The following ANKS1B variants were observed in gnomAD, a reference collection of about 807,000 sequenced individuals.
ANKS1B encodes ankyrin repeat and sterile alpha motif domain containing 1B, also known as ankyrin repeat and sterile alpha motif domain-containing protein 1B.
A neutral mutation model predicts 148.3 loss-of-function variants in ANKS1B; 36 were observed. The observed-to-expected ratio is 0.24, with a 90% CI of 0.19 to 0.32. ANKS1B has a LOEUF of 0.32. Among genes scored for constraint, ANKS1B ranks in the 10% least tolerant of loss-of-function variants. The pLI is 1.00. For synonymous variants in ANKS1B, 542 were observed against 560.8 expected (o/e 0.97, Z 0.47); for missense variants, 1,157 against 1,542.6 (o/e 0.75, Z 4.19).
chr12:99,747,962 T>C (rs1375835324), intron 8 of ANKS1B, among the ~76,000 whole-genome samples: 3 of 134,236 alleles, frequency 2.2e-5, no homozygotes, highest in Non-Finnish European at 4.8e-5. Context: ...GCAAATTTCT[T>C]TTTCCTTCTA....
intron 11 of ANKS1B, among the ~76,000 whole-genome samples, chr12:99,401,271 C>CTGAAA (rs1310149726): frequency 6.8e-6 from 1 of 146,122 alleles, no homozygotes; most frequent in Non-Finnish European, 1.5e-5. Flanking sequence ...CTCAATTTCA[C>CTGAAA]ATTCAATGTC....
chr12:98,858,777 T>C (rs890711130), intron 17 of ANKS1B, among the ~76,000 whole-genome samples: 2 of 152,208 alleles, frequency 1.3e-5, no homozygotes, highest in Non-Finnish European at 2.9e-5. Flanking sequence ...AGAACACTTC[T>C]CTGGCACTAC....
chr12:98,845,723 CTTT>C (rs79874270), intron 17 of ANKS1B, among the ~76,000 whole-genome samples: 1 of 142,158 alleles, frequency 7.0e-6, no homozygotes, highest in Non-Finnish European at 1.5e-5. Flanking sequence ...ATAATTAAAA[CTTT>C]TTTTTTTTTT....
chr12:99,014,323 T>C (rs115401923), intron 17 of ANKS1B, among the ~76,000 whole-genome samples: 4,926 of 152,200 alleles, frequency 0.032, 240 homozygotes, highest in African/African-American at 0.11. Context: ...TAGTCATATG[T>C]AGAATATTGA....
intron 17 of ANKS1B, among the ~76,000 whole-genome samples, chr12:98,835,097 A>AATTATT (rs72558205): frequency 0.24 from 35,439 of 148,510 alleles, 4,818 homozygotes; most frequent in South Asian, 0.45. Context: ...ACATTTGCTT[A>AATTATT]ATTATTATTA....
At chr12:98,776,122 C>T (rs2098671607) in intron 24 of ANKS1B, among the ~76,000 whole-genome samples, 1 of 152,198 alleles carries the variant, frequency 6.6e-6, no homozygotes, top group Non-Finnish European at 1.5e-5. Flanking sequence ...GCATTGTCTA[C>T]CTGTGCAGAA....
At chr12:98,781,771 A>T (rs2098739204) in intron 23 of ANKS1B, among the ~76,000 whole-genome samples, 1 of 152,244 alleles carries the variant, frequency 6.6e-6, no homozygotes, top group African/African-American at 2.4e-5. Context: ...TTTACAGCAG[A>T]ATCACTTGTG....
intron 17 of ANKS1B, among the ~76,000 whole-genome samples, chr12:98,848,760 A>C (rs1216982130): frequency 4.3e-4 from 1 of 2,324 alleles, no homozygotes; most frequent in Non-Finnish European, 7.0e-4. Flanking sequence ...TTTTTTTGAG[A>C]CGGAGTCTCG....
At chr12:99,917,664 T>G (rs894793690) in intron 1 of ANKS1B, among the ~76,000 whole-genome samples, 5 of 152,220 alleles carry the variant, frequency 3.3e-5, no homozygotes, top group Non-Finnish European at 5.9e-5. Context: ...CAGGTCATAT[T>G]TACTAGCATA....
chr12:98,812,623 G>A (rs1216253115), intron 19 of ANKS1B, among the ~76,000 whole-genome samples: 1 of 152,172 alleles, frequency 6.6e-6, no homozygotes, highest in Non-Finnish European at 1.5e-5. Flanking sequence ...GCCCAGGCTA[G>A]AGTGCAGGGG....
chr12:99,831,601 C>G (rs2084002551), intron 1 of ANKS1B, among the ~76,000 whole-genome samples: 1 of 152,188 alleles, frequency 6.6e-6, no homozygotes, highest in Non-Finnish European at 1.5e-5. Context: ...ATTTCTAACA[C>G]TGCCTGCCTC....
chr12:99,180,773 T>C (rs554090666), intron 14 of ANKS1B, among the ~76,000 whole-genome samples: 40 of 152,260 alleles, frequency 2.6e-4, no homozygotes, highest in African/African-American at 9.4e-4. Context: ...GCATGGCCTC[T>C]TGGTTTGCTG....
At chr12:98,833,276 G>A (rs116298924) in intron 17 of ANKS1B, among the ~76,000 whole-genome samples, 22 of 152,282 alleles carry the variant, frequency 1.4e-4, no homozygotes, top group African/African-American at 5.1e-4. Context: ...CCAGCATGTC[G>A]TGGCTCTGGG....
chr12:99,367,193 T>C (rs1444769341), intron 12 of ANKS1B, among the ~76,000 whole-genome samples: 1 of 152,076 alleles, frequency 6.6e-6, no homozygotes, highest in Non-Finnish European at 1.5e-5. Context: ...TCTGTTCTAA[T>C]ATATAAAAAG....
intron 1 of ANKS1B, among the ~76,000 whole-genome samples, chr12:99,859,649 T>C (rs908346462): frequency 1.3e-5 from 2 of 151,208 alleles, no homozygotes; most frequent in African/African-American, 4.9e-5. Flanking sequence ...TTTGTTTTGT[T>C]TTTGTTTTTT....
intron 1 of ANKS1B, among the ~76,000 whole-genome samples, chr12:99,955,553 G>GT (rs1402612083): frequency 7.2e-6 from 1 of 137,958 alleles, no homozygotes; most frequent in Non-Finnish European, 1.5e-5. Context: ...TAACTTTGGA[G>GT]TCTCAGCATT....
intron 1 of ANKS1B, among the ~76,000 whole-genome samples, chr12:99,830,212 A>G (rs759119520): frequency 1.6e-4 from 24 of 152,224 alleles, no homozygotes; most frequent in Non-Finnish European, 3.2e-4. Flanking sequence ...CAAAGAGCTG[A>G]CAATCTAATA....
At chr12:99,263,142 C>T (rs2076097564) in intron 12 of ANKS1B, among the ~76,000 whole-genome samples, 1 of 151,894 alleles carries the variant, frequency 6.6e-6, no homozygotes, top group African/African-American at 2.4e-5. Flanking sequence ...TGTTAAGTAA[C>T]CAATCAGGGT....
At chr12:99,129,348 T>G (rs2065384236) in intron 15 of ANKS1B, among the ~76,000 whole-genome samples, 1 of 152,012 alleles carries the variant, frequency 6.6e-6, no homozygotes, top group Admixed American at 6.6e-5. Flanking sequence ...AAACCTTTGA[T>G]AAAAAGAAAT....
Sources: gnomAD v4.1 joint callset for allele counts (sites outside exome capture counted in the v4.1 genomes callset) on GRCh38, gnomAD v4.1.1 for gene constraint, MANE v1.5 for transcripts, NCBI Gene and HGNC (gene_info 2026-07-23, HGNC 2026-07-21) for gene names.